NTRK2: variants seen among roughly 807,000 people sequenced by gnomAD.
NTRK2 encodes the protein BDNF/NT-3 growth factors receptor.
Under a neutral mutation model 94.5 loss-of-function variants are expected in NTRK2, and 13 were observed. The observed-to-expected ratio is 0.14, with a 90% CI of 0.09 to 0.22. The LOEUF (loss-of-function observed/expected upper bound fraction) is 0.22, where lower values mean the gene tolerates loss of function less well. Among genes scored for constraint, NTRK2 ranks in the 10% least tolerant of loss-of-function variants. The pLI is 1.00. For missense variants in NTRK2, 639 were observed against 1,071.2 expected, an observed-to-expected ratio of 0.60 and a Z score of 5.63; for synonymous variants, 372 against 407.4, an observed-to-expected ratio of 0.91 and a Z score of 1.05.
chr9:84,766,316 G>T (rs527396206), intron 12 of NTRK2, among the ~76,000 whole-genome samples: 1 of 152,236 alleles, frequency 6.6e-6, no homozygotes, highest in Non-Finnish European at 1.5e-5. Flanking sequence ...GCCTGGGGAG[G>T]AGAGCAGAGA....
At chr9:84,697,099 A>G (rs2060427766) in intron 2 of NTRK2, among the ~76,000 whole-genome samples, 1 of 152,298 alleles carries the variant, frequency 6.6e-6, no homozygotes, top group East Asian at 1.9e-4. Flanking sequence ...AGAAATTCCT[A>G]AGGAGTACCA....
At chr9:84,980,513 C>T (rs554086043) in intron 17 of NTRK2, among the ~76,000 whole-genome samples, 4 of 152,318 alleles carry the variant, frequency 2.6e-5, no homozygotes, top group South Asian at 2.1e-4. Flanking sequence ...TACTAATCCC[C>T]AGTGTCTCTG....
intron 13 of NTRK2, 137 bp from the exon 14 acceptor site, chr9:84,867,106 G>A: frequency 1.3e-6 from 1 of 776,266 alleles, no homozygotes; most frequent in Admixed American, 2.2e-5. Context: ...GTAGATTATA[G>A]TGATTATTGT....
rs1463894468 is a variant in NTRK2 at position 85,025,917 on chromosome 9, G to A, written c.*4480G>A. 8.6e-6 allele frequency: 2 copies of A among 232,820 alleles called. No individual in the cohort carries two copies. The highest frequency in any genetic ancestry group is 1.7e-5 in the Non-Finnish European group (2 of 117,832). 14.4% of individuals were successfully genotyped at this position (232,820 alleles called of 1,614,324 possible). On this transcript the variant is annotated 3_prime_UTR_variant, in exon 19 of 19. Transcript: ENST00000277120. ...ATGTCATTCTAAAGAATGAGGGGTG[G>A]GAGGGATTTATAGTTAGAAACGACA...
intron 15 of NTRK2, among the ~76,000 whole-genome samples, chr9:84,937,491 G>T (rs1192759658): frequency 1.3e-5 from 2 of 152,192 alleles, no homozygotes; most frequent in East Asian, 3.9e-4. Flanking sequence ...GAGATTTAGG[G>T]TGGAAGTGAT....
intron 12 of NTRK2, among the ~76,000 whole-genome samples, chr9:84,776,336 C>T (rs1332227487): frequency 2.0e-5 from 3 of 152,116 alleles, no homozygotes; most frequent in African/African-American, 7.2e-5. Context: ...ATTCTTATGC[C>T]TCAGTCTCCT....
At chr9:84,842,176 G>A (rs2074224722) in intron 12 of NTRK2, among the ~76,000 whole-genome samples, 1 of 152,172 alleles carries the variant, frequency 6.6e-6, no homozygotes, top group Admixed American at 6.5e-5. Context: ...GGCTGACTGA[G>A]CTTTGTCTGG....
At chr9:84,700,035 GAA>G (rs1254122684) in intron 2 of NTRK2, among the ~76,000 whole-genome samples, 1 of 152,156 alleles carries the variant, frequency 6.6e-6, no homozygotes, top group East Asian at 1.9e-4. Flanking sequence ...GATAATCCAG[GAA>G]AAGAGTGAGG....
intron 17 of NTRK2, among the ~76,000 whole-genome samples, chr9:84,999,794 C>T (rs1307253170): frequency 6.6e-6 from 1 of 152,156 alleles, no homozygotes. Context: ...CACACTGACT[C>T]CCACCCTGGG....
At chr9:84,702,115 C>A in intron 2 of NTRK2, 44 bp from the exon 3 acceptor site, 1 of 1,567,494 alleles carries the variant, frequency 6.4e-7, no homozygotes, top group Non-Finnish European at 8.8e-7. Context: ...GGTGCTGCTG[C>A]CTACATTCTG....
intron 15 of NTRK2, among the ~76,000 whole-genome samples, chr9:84,934,578 G>C (rs894973244): frequency 2.0e-5 from 3 of 152,138 alleles, no homozygotes; most frequent in Admixed American, 6.5e-5. Flanking sequence ...AAGTCAGTGG[G>C]GCCAAACAGA....
chr9:84,756,084 A>C (rs1199387994), intron 12 of NTRK2, among the ~76,000 whole-genome samples: 1 of 152,244 alleles, frequency 6.6e-6, no homozygotes, highest in Non-Finnish European at 1.5e-5. Flanking sequence ...ATGTATGAAT[A>C]AAATGTATAC....
Position 84,811,323 on chromosome 9 carries a change from A to T in NTRK2, c.1397-49717A>T. On this transcript the variant is annotated intron_variant, in intron 12 of 18. Transcript: ENST00000277120. ...AACAAATGAAAAACGTTTAAAAAGA[A>T]GAAGAAGAAAAAAAACAAGAACAAG... The T allele has an allele frequency of 2.8e-6, 3 of 1,066,408 alleles. No individual in the cohort carries two copies. The South Asian group carries it at 1.4e-4, about 49-fold the overall frequency. 66.1% of individuals were successfully genotyped at this position (1,066,408 alleles called of 1,614,324 possible).
At chr9:84,716,251 A>G (rs2061702669) in intron 6 of NTRK2, among the ~76,000 whole-genome samples, 1 of 152,126 alleles carries the variant, frequency 6.6e-6, no homozygotes, top group African/African-American at 2.4e-5. Context: ...CCACTTTTCC[A>G]ACCTTCCAAC....
At chr9:84,937,651 A>T (rs4877889) in intron 15 of NTRK2, among the ~76,000 whole-genome samples, 3 of 151,292 alleles carry the variant, frequency 2.0e-5, no homozygotes, top group South Asian at 2.1e-4. Flanking sequence ...TCTATCAACC[A>T]TTTTTTTTTC....
chr9:84,882,277 G>T (rs1371700283), intron 14 of NTRK2, among the ~76,000 whole-genome samples: 1 of 152,096 alleles, frequency 6.6e-6, no homozygotes, highest in Non-Finnish European at 1.5e-5. Context: ...GATGAGATGG[G>T]TATCTGCAAC....
chr9:84,783,367 T>C (rs2067795063), intron 12 of NTRK2, among the ~76,000 whole-genome samples: 1 of 152,248 alleles, frequency 6.6e-6, no homozygotes, highest in Non-Finnish European at 1.5e-5. Flanking sequence ...ACTCACGTTC[T>C]TTACTTGACT....
At chr9:84,704,120 T>G (rs2131720294) in intron 4 of NTRK2, among the ~76,000 whole-genome samples, 1 of 152,244 alleles carries the variant, frequency 6.6e-6, no homozygotes, top group South Asian at 2.1e-4. Flanking sequence ...ACTTACTGAT[T>G]ACTTTACTTT....
At chr9:85,015,423 G>T (rs1832108786) in intron 17 of NTRK2, among the ~76,000 whole-genome samples, 2 of 152,180 alleles carry the variant, frequency 1.3e-5, no homozygotes, top group South Asian at 4.1e-4. Flanking sequence ...TCTAAGGCTT[G>T]GTTCTATCGA....
Sources: allele counts gnomAD v4.1 joint callset (sites outside exome capture counted in the v4.1 genomes callset), GRCh38; gene constraint gnomAD v4.1.1; transcripts MANE v1.5; gene names NCBI Gene and HGNC (gene_info 2026-07-23, HGNC 2026-07-21).